Variants in FMNL2 observed in about 807,000 individuals in gnomAD.
FMNL2 encodes the protein formin-like protein 2.
FMNL2 carries 51 observed loss-of-function variants against 130.2 expected under a neutral mutation model. That is an observed-to-expected ratio of 0.39 (90% CI 0.31 to 0.49). FMNL2 has a LOEUF of 0.49. Among genes scored for constraint, FMNL2 ranks in the 20% least tolerant of loss-of-function variants. The pLI is 0.85. For synonymous variants in FMNL2, 465 were observed against 467.1 expected (o/e 1.00, Z 0.06); for missense variants, 977 against 1,316.2 (o/e 0.74, Z 3.99).
At chr2:152,439,114 T>TGTGG (rs1006180636) in intron 1 of FMNL2, among the ~76,000 whole-genome samples, 3 of 145,282 alleles carry the variant, frequency 2.1e-5, no homozygotes, top group African/African-American at 7.5e-5. Context: ...TGTGTGTGTG[T>TGTGG]GGCAATAGCT....
At chr2:152,343,376 A>C (rs1681921301) in intron 1 of FMNL2, among the ~76,000 whole-genome samples, 1 of 151,930 alleles carries the variant, frequency 6.6e-6, no homozygotes, top group Non-Finnish European at 1.5e-5. Flanking sequence ...GCTCACTGCA[A>C]CCTCTGCCTC....
In FMNL2 at chr2:152,425,985, C is replaced by T. The variant is rs187270808; in HGVS notation, c.117+90265C>T. On this transcript the variant is annotated intron_variant, in intron 1 of 25. Coordinates refer to ENST00000288670, the MANE Select transcript of FMNL2 (RefSeq NM_052905.4). Reference sequence around the variant, plus strand: ...TTCTCTGACCTGGTAGGTTGAATATCTCCTCTGTTAGCCTTTGGGTATACG... The same window carrying T: ...TTCTCTGACCTGGTAGGTTGAATATTTCCTCTGTTAGCCTTTGGGTATACG... Among the ~76,000 whole-genome samples, 7 of 152,320 alleles carry T rather than the reference C, an allele frequency of 4.6e-5. No individual in the cohort carries two copies. The East Asian group carries it at 1.3e-3, about 29-fold the overall frequency.
intron 1 of FMNL2, among the ~76,000 whole-genome samples, chr2:152,500,805 A>T (rs1228617494): frequency 6.6e-6 from 1 of 151,784 alleles, no homozygotes; most frequent in Admixed American, 6.6e-5. Flanking sequence ...AGCCGAGATC[A>T]CACCACTTCA....
intron 1 of FMNL2, among the ~76,000 whole-genome samples, chr2:152,361,034 G>A (rs372927462): frequency 6.6e-6 from 1 of 152,038 alleles, no homozygotes; most frequent in Non-Finnish European, 1.5e-5. Context: ...TAAACAGTGG[G>A]GAATAATTAA....
chr2:152,516,601 A>G (rs1295412967), intron 1 of FMNL2, among the ~76,000 whole-genome samples: 6 of 152,184 alleles, frequency 3.9e-5, no homozygotes, highest in South Asian at 2.1e-4. Context: ...ATACTGTTCA[A>G]TTTCCCTCCT....
intron 12 of FMNL2, among the ~76,000 whole-genome samples, 176 bp from the exon 13 acceptor site, chr2:152,616,915 G>A (rs554806814): frequency 9.7e-4 from 147 of 152,240 alleles, no homozygotes; most frequent in African/African-American, 3.4e-3. Flanking sequence ...TCAATTCCTG[G>A]TAGAAGCAAA....
intron 1 of FMNL2, among the ~76,000 whole-genome samples, chr2:152,456,381 T>C (rs113583240): frequency 3.1e-3 from 472 of 152,318 alleles, no homozygotes; most frequent in African/African-American, 0.011. Flanking sequence ...ATTGATTGTT[T>C]TGTGGAGACA....
chr2:152,631,962 T>G, intron 20 of FMNL2, 46 bp from the exon 21 acceptor site: 5 of 1,574,026 alleles, frequency 3.2e-6, no homozygotes, highest in Non-Finnish European at 4.3e-6. Context: ...AAGTGTCTTG[T>G]TACCCTTTAC....
chr2:152,548,297 G>T (rs1036735252), intron 3 of FMNL2, among the ~76,000 whole-genome samples: 1 of 152,216 alleles, frequency 6.6e-6, no homozygotes, highest in Non-Finnish European at 1.5e-5. Flanking sequence ...TGCCTGCAAG[G>T]TTGGCCCTTG....
chr2:152,476,496 CCCTGTCT>C (rs965522888), intron 1 of FMNL2, among the ~76,000 whole-genome samples: 58 of 152,152 alleles, frequency 3.8e-4, no homozygotes, highest in African/African-American at 1.4e-3. Context: ...CATAGCGAGA[CCCTGTCT>C]CTATTTAAAA....
intron 16 of FMNL2, among the ~76,000 whole-genome samples, 190 bp from the exon 17 acceptor site, chr2:152,626,335 C>T (rs1350789815): frequency 1.3e-5 from 2 of 152,186 alleles, no homozygotes; most frequent in African/African-American, 4.8e-5. Flanking sequence ...CCACATCCGA[C>T]CTATGTTCAC....
intron 1 of FMNL2, among the ~76,000 whole-genome samples, chr2:152,371,854 C>T (rs1011941336): frequency 3.3e-5 from 5 of 151,908 alleles, no homozygotes; most frequent in African/African-American, 1.2e-4. Context: ...GACTTAGCCC[C>T]CTCACCTTGC....
intron 2 of FMNL2, among the ~76,000 whole-genome samples, chr2:152,541,157 CTTTTCTTTTT>C (rs1212256993): frequency 6.6e-6 from 1 of 151,816 alleles, no homozygotes; most frequent in East Asian, 1.9e-4. Flanking sequence ...TTTTTCTTTT[CTTTTCTTTTT>C]TTTGTTTTAG....
intron 3 of FMNL2, among the ~76,000 whole-genome samples, chr2:152,544,941 AAAT>A (rs1694535132): frequency 6.6e-6 from 1 of 152,200 alleles, no homozygotes; most frequent in African/African-American, 2.4e-5. Flanking sequence ...GCTTCCTCAC[AAAT>A]AATAAACTGG....
chr2:152,356,705 T>C (rs1410172332), intron 1 of FMNL2, among the ~76,000 whole-genome samples: 1 of 150,548 alleles, frequency 6.6e-6, no homozygotes, highest in Non-Finnish European at 1.5e-5. Context: ...CCTTTTTGCT[T>C]TCTATTTAGT....
chr2:152,485,306 C>A (rs1690757757), intron 1 of FMNL2, among the ~76,000 whole-genome samples: 1 of 152,202 alleles, frequency 6.6e-6, no homozygotes, highest in African/African-American at 2.4e-5. Context: ...TCCTGGCCAA[C>A]ATGATGAAAC....
At chr2:152,598,949 G>C (rs1206732655) in intron 9 of FMNL2, among the ~76,000 whole-genome samples, 1 of 152,222 alleles carries the variant, frequency 6.6e-6, no homozygotes, top group Non-Finnish European at 1.5e-5. Context: ...GAAGGCCTGA[G>C]AAGTAAGAGC....
chr2:152,434,528 C>T (rs998430181), intron 1 of FMNL2, among the ~76,000 whole-genome samples: 1 of 152,054 alleles, frequency 6.6e-6, no homozygotes, highest in African/African-American at 2.4e-5. Context: ...AAGCTGGATC[C>T]CAGCTGGCCC....
chr2:152,629,481 G>A (rs889466522), intron 18 of FMNL2, among the ~76,000 whole-genome samples, 175 bp from the exon 19 acceptor site: 8 of 152,262 alleles, frequency 5.3e-5, no homozygotes, highest in Non-Finnish European at 1.0e-4. Context: ...AATATTACCT[G>A]AGACCTAGCA....
Sources: gnomAD v4.1 joint callset for allele counts (sites outside exome capture counted in the v4.1 genomes callset) on GRCh38, gnomAD v4.1.1 for gene constraint, MANE v1.5 for transcripts, NCBI Gene and HGNC (gene_info 2026-07-23, HGNC 2026-07-21) for gene names.